The following GSE1 variants were observed in gnomAD, a reference collection of about 807,000 sequenced individuals.
GSE1 encodes the protein Gse1 coiled-coil protein, also known as genetic suppressor element 1.
In GSE1, 32 loss-of-function variants were observed where a neutral mutation model predicts 112.6. The observed-to-expected ratio is 0.28, with a 90% confidence interval of 0.21 to 0.38. The LOEUF (loss-of-function observed/expected upper bound fraction) is 0.38, where lower values mean the gene tolerates loss of function less well. Among genes scored for constraint, GSE1 ranks in the 10% least tolerant of loss-of-function variants. GSE1 has a pLI of 1.00. For synonymous variants in GSE1, 1,115 were observed against 735.6 expected (o/e 1.52, Z -8.35); for missense variants, 2,348 against 1,699.2 (o/e 1.38, Z -6.71).
At chr16:85,582,955 G>C (rs1255124946) in intron 1 of GSE1, among the ~76,000 whole-genome samples, 6 of 152,206 alleles carry the variant, frequency 3.9e-5, no homozygotes, top group African/African-American at 1.4e-4. Context: ...GAGGATTACT[G>C]TGGGCACGGG....
intron 1 of GSE1, among the ~76,000 whole-genome samples, chr16:85,560,050 C>T (rs1055233285): frequency 1.3e-5 from 2 of 149,890 alleles, no homozygotes; most frequent in African/African-American, 2.5e-5. Flanking sequence ...AATAATAATT[C>T]TTATTTTGTC....
chr16:85,258,944 C>G (rs1030581115), intron 1 of GSE1, among the ~76,000 whole-genome samples: 3 of 152,246 alleles, frequency 2.0e-5, no homozygotes, highest in African/African-American at 7.2e-5. Flanking sequence ...TGTCAGGGGC[C>G]CACTGCTCCC....
intron 1 of GSE1, among the ~76,000 whole-genome samples, chr16:85,630,425 G>A (rs1016383051): frequency 2.0e-5 from 3 of 152,180 alleles, no homozygotes; most frequent in Non-Finnish European, 4.4e-5. Context: ...GCTCACTGTA[G>A]CTCCAACTCC....
chr16:85,621,013 G>A (rs1380239123), intron 1 of GSE1, among the ~76,000 whole-genome samples: 5 of 151,658 alleles, frequency 3.3e-5, no homozygotes, highest in Admixed American at 1.3e-4. Flanking sequence ...TGGGGAATCC[G>A]TTTAGATGGT....
intron 1 of GSE1, among the ~76,000 whole-genome samples, chr16:85,346,628 A>G (rs912445741): frequency 2.0e-5 from 3 of 146,896 alleles, no homozygotes; most frequent in African/African-American, 7.6e-5. Flanking sequence ...GGATGGATGG[A>G]TGATGGACAG....
chr16:85,424,012 C>T (rs2048911460), intron 2 of GSE1, among the ~76,000 whole-genome samples: 5 of 152,254 alleles, frequency 3.3e-5, no homozygotes, highest in Admixed American at 3.3e-4. Flanking sequence ...CAGCCCTCAC[C>T]TGCATCCACC....
chr16:85,665,927 C>G (rs776200160), intron 12 of GSE1, 49 bp from the exon 13 acceptor site: 15 of 1,585,324 alleles, frequency 9.5e-6, no homozygotes, highest in South Asian at 2.2e-5. Context: ...GGACACTCAG[C>G]CTGTTAACTT....
intron 2 of GSE1, among the ~76,000 whole-genome samples, chr16:85,429,063 C>T (rs765419101): frequency 6.6e-5 from 10 of 152,226 alleles, no homozygotes; most frequent in East Asian, 5.8e-4. Flanking sequence ...CCTACAGCTC[C>T]GAAGCCTCCG....
intron 1 of GSE1, among the ~76,000 whole-genome samples, chr16:85,243,352 T>C (rs1214852676): frequency 6.6e-6 from 1 of 152,146 alleles, no homozygotes; most frequent in Non-Finnish European, 1.5e-5. Context: ...TTCTAAAGGG[T>C]GCCTGTGAGG....
chr16:85,479,102 A>G (rs566761301), intron 2 of GSE1, among the ~76,000 whole-genome samples: 33 of 147,110 alleles, frequency 2.2e-4, no homozygotes, highest in African/African-American at 7.6e-4. Context: ...GCTCATTGCA[A>G]ACTCTGCCTC....
chr16:85,200,058 T>C (rs893641250), intron 1 of GSE1, among the ~76,000 whole-genome samples: 1 of 152,194 alleles, frequency 6.6e-6, no homozygotes, highest in Non-Finnish European at 1.5e-5. Context: ...GCCTTCTGCC[T>C]TCGTCTCCTC....
intron 2 of GSE1, among the ~76,000 whole-genome samples, chr16:85,447,540 A>G (rs1194247098): frequency 6.6e-6 from 1 of 152,180 alleles, no homozygotes; most frequent in East Asian, 1.9e-4. Context: ...CTCAGCACAT[A>G]CCAGCTGTCA....
chr16:85,671,165 T>G lies in GSE1; in HGVS notation c.3519+67T>G, dbSNP rs977128191. The G allele has an allele frequency of 3.3e-6, 3 of 906,112 alleles. No individual in the cohort carries two copies. In the African/African-American group the frequency reaches 5.0e-5, roughly 15 times the overall value. 56.1% of individuals were successfully genotyped at this position (906,112 alleles called of 1,614,324 possible). A position where few individuals can be genotyped will look rare whatever the true frequency, so the allele number is the denominator to read the frequency against. ...TTGAGTTTGGGTTCAGAAACACCCA[T>G]GCAGATAAGTTTCAGAGAGGAAATG... On this transcript the variant is annotated intron_variant, in intron 15 of 15. Coordinates refer to ENST00000253458, the MANE Select transcript of GSE1 (RefSeq NM_014615.5).
rs550190529 is a variant in GSE1, at chr16:85,598,538, A to G, written c.37+42175A>G. ...CGAATGTGCTTAAGAAAGCACCAGCACTCCAAATAGCTGAGCAGGAACTTC... is the reference window on the plus strand; with the variant it reads ...CGAATGTGCTTAAGAAAGCACCAGCGCTCCAAATAGCTGAGCAGGAACTTC... On this transcript the variant is annotated intron_variant, in intron 1 of 2. Coordinates refer to the GSE1 transcript ENST00000635906. Among the ~76,000 whole-genome samples, 6 of 152,304 alleles carry G rather than the reference A, an allele frequency of 3.9e-5. No homozygotes were observed. The South Asian group carries it at 1.2e-3, about 32-fold the overall frequency.
At chr16:85,563,281 T>G (rs1299702165) in intron 1 of GSE1, among the ~76,000 whole-genome samples, 1 of 152,128 alleles carries the variant, frequency 6.6e-6, no homozygotes, top group Admixed American at 6.5e-5. Flanking sequence ...ATAGTTTGGT[T>G]TGCTCGTAAA....
intron 1 of GSE1, among the ~76,000 whole-genome samples, chr16:85,229,133 G>A (rs551239896): frequency 6.6e-6 from 1 of 152,252 alleles, no homozygotes; most frequent in Non-Finnish European, 1.5e-5. Flanking sequence ...GGAGCAGGGG[G>A]CTGAGGTCTC....
At chr16:85,380,575 A>C (rs1205474900) in intron 2 of GSE1, among the ~76,000 whole-genome samples, 1 of 151,808 alleles carries the variant, frequency 6.6e-6, no homozygotes, top group Non-Finnish European at 1.5e-5. Flanking sequence ...GAGGCCTCTC[A>C]TCCCTCATGG....
intron 2 of GSE1, among the ~76,000 whole-genome samples, chr16:85,493,790 CAA>C (rs61555687): frequency 1.4e-4 from 12 of 84,430 alleles, no homozygotes; most frequent in African/African-American, 5.4e-4. Context: ...GACTCCGTCT[CAA>C]AAAAAAAAAA....
intron 2 of GSE1, among the ~76,000 whole-genome samples, chr16:85,439,177 C>G (rs763809910): frequency 6.6e-5 from 10 of 152,236 alleles, no homozygotes; most frequent in Middle Eastern, 3.2e-3. Context: ...TGGCCCCTCA[C>G]CCGGCACTGA....
Sources: gnomAD v4.1 joint callset for allele counts (sites outside exome capture counted in the v4.1 genomes callset) on GRCh38, gnomAD v4.1.1 for gene constraint, MANE v1.5 for transcripts, NCBI Gene and HGNC (gene_info 2026-07-23, HGNC 2026-07-21) for gene names.